Variants in CRYBG1 observed in about 807,000 individuals in gnomAD.
CRYBG1 encodes beta/gamma crystallin domain-containing protein 1.
Under a neutral mutation model 189.2 loss-of-function variants are expected in CRYBG1, and 139 were observed. That is an observed-to-expected ratio of 0.73 (90% CI 0.64 to 0.85). CRYBG1 has a LOEUF of 0.85. Among genes scored for constraint, CRYBG1 ranks in the 40% least tolerant of loss-of-function variants. The probability of loss-of-function intolerance (pLI) is 0.00; values close to 1 mark genes in which losing one functional copy is unlikely to be tolerated. For missense variants in CRYBG1, 2,611 were observed against 2,675.8 expected (o/e 0.98, Z 0.53); for synonymous variants, 1,023 against 1,017.1 (o/e 1.01, Z -0.11).
chr6:106,395,261 A>T (rs2180326), intron 1 of CRYBG1, among the ~76,000 whole-genome samples: 77,464 of 151,124 alleles, frequency 0.51, 20,191 homozygotes, highest in South Asian at 0.71. Context: ...TAAAAAAAAT[A>T]AAAAACTGCT....
chr6:106,436,861 A>C (rs925383279), intron 1 of CRYBG1, among the ~76,000 whole-genome samples: 4 of 152,142 alleles, frequency 2.6e-5, no homozygotes, highest in African/African-American at 9.7e-5. Flanking sequence ...AAGTCTCTTG[A>C]TAAGTATGAA....
intron 2 of CRYBG1, among the ~76,000 whole-genome samples, chr6:106,485,410 A>T (rs753814071): frequency 6.6e-6 from 1 of 152,154 alleles, no homozygotes; most frequent in Non-Finnish European, 1.5e-5. Flanking sequence ...TGGTGGATTC[A>T]TTAGGGTTTT....
intron 2 of CRYBG1, among the ~76,000 whole-genome samples, chr6:106,502,058 T>G (rs1398084800): frequency 6.6e-6 from 1 of 152,170 alleles, no homozygotes; most frequent in East Asian, 1.9e-4. Flanking sequence ...GCCTCTGACT[T>G]GGCTGTAGCT....
chr6:106,525,485 G>A, intron 6 of CRYBG1, 99 bp downstream of exon 6: 1 of 884,024 alleles, frequency 1.1e-6, no homozygotes, highest in South Asian at 1.4e-5. Flanking sequence ...TATGGCTTTA[G>A]CAATGAAAAG....
At chr6:106,400,397 G>T (rs1358228985) in intron 1 of CRYBG1, among the ~76,000 whole-genome samples, 1 of 152,122 alleles carries the variant, frequency 6.6e-6, no homozygotes, top group Non-Finnish European at 1.5e-5. Flanking sequence ...TAATATTAGT[G>T]TAATTGTGCT....
intron 2 of CRYBG1, among the ~76,000 whole-genome samples, chr6:106,460,016 T>TTTTGTTTG (rs556511754): frequency 6.6e-6 from 1 of 151,760 alleles, no homozygotes; most frequent in African/African-American, 2.4e-5. Flanking sequence ...GCTCTTTTGT[T>TTTTGTTTG]TTTGTTTGTT....
At chr6:106,544,526 T>C (rs779380479) in intron 11 of CRYBG1, 45 bp from the exon 12 acceptor site, 3 of 1,598,068 alleles carry the variant, frequency 1.9e-6, no homozygotes, top group Non-Finnish European at 2.6e-6. Context: ...GAAAAAATGT[T>C]AACATGTCTG....
intron 1 of CRYBG1, among the ~76,000 whole-genome samples, chr6:106,439,439 T>G (rs1373379793): frequency 2.0e-5 from 3 of 152,188 alleles, no homozygotes; most frequent in African/African-American, 7.2e-5. Flanking sequence ...ATATTTTAAC[T>G]GAAGAATATG....
chr6:106,444,008 T>C (rs1771613596), intron 1 of CRYBG1, among the ~76,000 whole-genome samples: 1 of 152,234 alleles, frequency 6.6e-6, no homozygotes, highest in Non-Finnish European at 1.5e-5. Context: ...AACCATATTC[T>C]GCCAGGCTTT....
At chr6:106,369,638 A>G (rs1026008582) in intron 1 of CRYBG1, among the ~76,000 whole-genome samples, 4 of 152,234 alleles carry the variant, frequency 2.6e-5, no homozygotes, top group Non-Finnish European at 5.9e-5. Context: ...TATGCTGCAT[A>G]TAAGATAAGA....
At chr6:106,433,999 C>T (rs1249434137) in intron 1 of CRYBG1, among the ~76,000 whole-genome samples, 3 of 151,658 alleles carry the variant, frequency 2.0e-5, no homozygotes, top group South Asian at 2.1e-4. Flanking sequence ...CTTAGGTTGC[C>T]GTCAAGCTGT....
intron 1 of CRYBG1, among the ~76,000 whole-genome samples, chr6:106,424,586 C>T (rs1223270333): frequency 6.6e-6 from 1 of 152,064 alleles, no homozygotes; most frequent in African/African-American, 2.4e-5. Context: ...CTCAGCCTCC[C>T]GAGTAGCTGA....
chr6:106,537,350 A>G (rs1269613430), intron 8 of CRYBG1, among the ~76,000 whole-genome samples: 1 of 152,236 alleles, frequency 6.6e-6, no homozygotes, highest in East Asian at 1.9e-4. Flanking sequence ...CTGCTTGGTT[A>G]GCCTAATACC....
intron 13 of CRYBG1, among the ~76,000 whole-genome samples, chr6:106,548,277 C>T (rs1562114718): frequency 6.6e-6 from 1 of 152,226 alleles, no homozygotes; most frequent in African/African-American, 2.4e-5. Context: ...CTGGGTTTTG[C>T]GGCTTCTCCC....
rs758751141 is a variant in CRYBG1, at chr6:106,512,700, C to T, written c.1583C>T (p.Pro528Leu). 2.6e-6 allele frequency: 4 copies of T among 1,545,812 alleles called. No homozygotes were observed. Among genetic ancestry groups the T allele is most frequent in the Non-Finnish European group, 3.5e-6 (4 of 1,145,840 alleles). ...CGTGCCCTCGAGGCCGTGCCCGCCC[C>T]GCCCGCCAGCGGCCCCCGGGCTCCC... ...RSRALEAVPA[P>L]PASGPRAPAK... Residue 528 changes from proline to leucine, a missense_variant, in exon 3 of 22, where the codon CCG becomes CTG. Around this residue, in one of 3 missense-constraint regions of CRYBG1, gnomAD observed 985 missense variants for 924.4 expected, o/e 1.07. Transcript: ENST00000633556.
In CRYBG1 at chr6:106,539,569, T is replaced by C. The variant is rs761085704; in HGVS notation, c.4845+40T>C. ...CAAATGTCCTTGTGGTGATTCTTTG[T>C]CAGCTTGACGTGGTAATTCACAGGG... On this transcript the variant is annotated intron_variant, in intron 9 of 21. Transcript: ENST00000633556. 1.9e-6 allele frequency: 3 copies of C among 1,581,476 alleles called. No homozygotes were observed. In the East Asian group the frequency reaches 6.8e-5, roughly 36 times the overall value.
chr6:106,389,822 G>A (rs1028795237), intron 1 of CRYBG1, among the ~76,000 whole-genome samples: 5 of 151,844 alleles, frequency 3.3e-5, no homozygotes, highest in African/African-American at 4.8e-5. Flanking sequence ...TGGTTCAGTC[G>A]ACTCCTATAG....
intron 2 of CRYBG1, among the ~76,000 whole-genome samples, chr6:106,465,952 G>C (rs1038506643): frequency 2.0e-5 from 3 of 152,100 alleles, no homozygotes; most frequent in African/African-American, 7.2e-5. Context: ...ATCTATCTGT[G>C]CATTAGCAAC....
intron 1 of CRYBG1, among the ~76,000 whole-genome samples, chr6:106,395,908 A>T (rs1770597369): frequency 6.6e-6 from 1 of 152,156 alleles, no homozygotes. Flanking sequence ...CCCTAGGCAA[A>T]TGATAACACT....
Sources: gnomAD v4.1 joint callset for allele counts (sites outside exome capture counted in the v4.1 genomes callset) on GRCh38, gnomAD v4.1.1 for gene constraint, gnomAD v4.1.1 regional missense constraint, MANE v1.5 for transcripts, NCBI Gene and HGNC (gene_info 2026-07-23, HGNC 2026-07-21) for gene names.